The following SNX29 variants were observed in gnomAD, a reference collection of about 807,000 sequenced individuals.
SNX29 encodes the protein sorting nexin-29.
In SNX29, 78 loss-of-function variants were observed where a neutral mutation model predicts 102.1. The ratio of observed to expected loss-of-function variants is 0.76; its 90% CI spans 0.64 to 0.92. The LOEUF is 0.92. Among genes scored for constraint, SNX29 ranks in the 40% least tolerant of loss-of-function variants. The pLI is 0.00. For missense variants in SNX29, 1,280 were observed against 1,061.7 expected (o/e 1.21, Z -2.86); for synonymous variants, 580 against 414.5 (o/e 1.40, Z -4.85).
In SNX29 at chr16:12,572,168, A is replaced by G. The variant is rs1472002496; in HGVS notation, c.*3539A>G. 5.1e-6 allele frequency: 5 copies of G among 984,426 alleles called. No homozygotes were observed. Among genetic ancestry groups the G allele is most frequent in the African/African-American group, 1.7e-5 (1 of 59,332 alleles). 61.0% of individuals were successfully genotyped at this position (984,426 alleles called of 1,614,324 possible). On this transcript the variant is annotated 3_prime_UTR_variant, in exon 21 of 21. Transcript: ENST00000566228. ...CTTATTAAGATCAATTTTGATAACC[A>G]TGTAATTTCTTAGAACCATGGCAGG...
rs541089702 is a variant in SNX29 at position 12,022,331 on chromosome 16, G to C, written c.123-4989G>C. Among the ~76,000 whole-genome samples, 3 of 151,984 alleles carry C rather than the reference G, an allele frequency of 2.0e-5. No homozygotes were observed. In the East Asian group the frequency reaches 5.8e-4, roughly 29 times the overall value. On this transcript the variant is annotated intron_variant, in intron 3 of 20. Coordinates refer to ENST00000566228, the MANE Select transcript of SNX29 (RefSeq NM_032167.5). ...TTCTCCAGCCTCAGCCTCTGGAGTA[G>C]CTGGGATTACAGGAGCCTGCCACCA...
chr16:12,133,438 C>T (rs770537824), intron 13 of SNX29, among the ~76,000 whole-genome samples: 1 of 151,950 alleles, frequency 6.6e-6, no homozygotes, highest in South Asian at 2.1e-4. Flanking sequence ...TACAGGCATG[C>T]ACCACCATAG....
Position 12,572,122 on chromosome 16 carries a change from G to A in SNX29, c.*3493G>A, listed in dbSNP as rs1769481150. On this transcript the variant is annotated 3_prime_UTR_variant, in exon 21 of 21. Coordinates refer to ENST00000566228, the MANE Select transcript of SNX29 (RefSeq NM_032167.5). ...GGACTGGGTCTGATCACAGCCCTTG[G>A]CCCTGCTTCATACTTTGGAGCTTAT... The A allele has an allele frequency of 2.9e-6, 3 of 1,034,772 alleles. No individual in the cohort carries two copies. The highest frequency in any genetic ancestry group is 3.5e-6 in the Non-Finnish European group (3 of 851,860). The allele number at this position is 1,034,772 out of a possible 1,614,324, so 64.1% of individuals were successfully genotyped here.
Position 12,021,068 on chromosome 16 carries a change from A to G in SNX29, c.123-6252A>G, listed in dbSNP as rs183453547. 2.0e-5 allele frequency among the ~76,000 whole-genome samples: 3 copies of G among 152,366 alleles called. No homozygotes were observed. In the East Asian group the frequency reaches 5.8e-4, roughly 29 times the overall value. ...TAACATTGGAATTTTACAAATGACG[A>G]TAATCCAGTCCATTTTCATGATTGT... On this transcript the variant is annotated intron_variant, in intron 3 of 20. Coordinates refer to ENST00000566228, the MANE Select transcript of SNX29 (RefSeq NM_032167.5).
intron 11 of SNX29, among the ~76,000 whole-genome samples, chr16:12,082,856 G>A (rs960773891): frequency 2.7e-4 from 41 of 152,232 alleles, no homozygotes; most frequent in African/African-American, 9.6e-4. Context: ...AATTTTGAGC[G>A]AAGGGTGGTT....
intron 14 of SNX29, among the ~76,000 whole-genome samples, chr16:12,262,890 A>G (rs1227062328): frequency 2.0e-5 from 3 of 152,216 alleles, no homozygotes; most frequent in East Asian, 1.9e-4. Context: ...TCCTGTTCCT[A>G]TTTGCAGTCA....
intron 9 of SNX29, among the ~76,000 whole-genome samples, chr16:12,063,587 C>G (rs540266038): frequency 1.3e-5 from 2 of 152,084 alleles, no homozygotes; most frequent in Non-Finnish European, 2.9e-5. Flanking sequence ...CCATGTTGGC[C>G]AGACTGATCT....
rs573679560 is a variant in SNX29 at position 12,177,818 on chromosome 16, G to T, written c.1596-21783G>T. On this transcript the variant is annotated intron_variant, in intron 13 of 20. Transcript: ENST00000566228. ...TTGCCAAATGCCTGCTGTGGGCGGGGTGCTGGTCTCAACACTGGGGAGATA... is the reference window on the plus strand; with the variant it reads ...TTGCCAAATGCCTGCTGTGGGCGGGTTGCTGGTCTCAACACTGGGGAGATA... Among the ~76,000 whole-genome samples, 5 of 152,282 alleles carry T rather than the reference G, an allele frequency of 3.3e-5. No individual in the cohort carries two copies. In the East Asian group the frequency reaches 9.6e-4, roughly 29 times the overall value.
intron 1 of SNX29, among the ~76,000 whole-genome samples, chr16:11,989,578 C>T (rs1280028698): frequency 2.0e-5 from 3 of 152,202 alleles, no homozygotes; most frequent in Non-Finnish European, 4.4e-5. Context: ...AATGAGGCAG[C>T]CGTTGTGCCC....
chr16:12,398,135 A>G (rs1288115650), intron 16 of SNX29, among the ~76,000 whole-genome samples: 2 of 152,152 alleles, frequency 1.3e-5, no homozygotes, highest in African/African-American at 4.8e-5. Flanking sequence ...TGCATCTCAG[A>G]TCCTAATTAG....
chr16:12,347,723 C>T (rs2081857388), intron 15 of SNX29, among the ~76,000 whole-genome samples: 1 of 152,066 alleles, frequency 6.6e-6, no homozygotes, highest in Non-Finnish European at 1.5e-5. Flanking sequence ...TCTTTCATCC[C>T]TTTGTACCTC....
intron 18 of SNX29, among the ~76,000 whole-genome samples, chr16:12,414,748 C>T (rs573184989): frequency 4.3e-4 from 65 of 151,902 alleles, no homozygotes; most frequent in African/African-American, 1.5e-3. Context: ...TATTTAGAGA[C>T]AGACTCTGTG....
chr16:12,536,356 G>A (rs561017354), intron 20 of SNX29, among the ~76,000 whole-genome samples: 1 of 152,182 alleles, frequency 6.6e-6, no homozygotes, highest in African/African-American at 2.4e-5. Flanking sequence ...TACTGTCAGG[G>A]TTGGGGGTAA....
chr16:12,443,141 G>A (rs1000549426), intron 18 of SNX29: 2 of 411,946 alleles, frequency 4.9e-6, no homozygotes, highest in African/African-American at 2.1e-5. Context: ...ATCCTGCCGG[G>A]CCTAGGGCCT....
intron 15 of SNX29, among the ~76,000 whole-genome samples, chr16:12,351,743 G>C (rs2081997125): frequency 6.6e-6 from 1 of 151,866 alleles, no homozygotes; most frequent in Non-Finnish European, 1.5e-5. Flanking sequence ...AGCTCTGAAG[G>C]CATCATTTTC....
chr16:12,503,465 G>A (rs1217788113), intron 19 of SNX29, among the ~76,000 whole-genome samples: 1 of 152,172 alleles, frequency 6.6e-6, no homozygotes, highest in Non-Finnish European at 1.5e-5. Flanking sequence ...AGGATGGGCA[G>A]CCCAGGGAAG....
intron 14 of SNX29, among the ~76,000 whole-genome samples, chr16:12,263,772 A>AT (rs764159512): frequency 1.3e-5 from 2 of 152,092 alleles, no homozygotes; most frequent in Non-Finnish European, 2.9e-5. Context: ...ATATATATAT[A>AT]TTTTTTGCTA....
intron 3 of SNX29, among the ~76,000 whole-genome samples, chr16:12,020,428 C>T (rs992273946): frequency 6.6e-6 from 1 of 152,064 alleles, no homozygotes; most frequent in Non-Finnish European, 1.5e-5. Flanking sequence ...TTTCAAACTC[C>T]TGGCCTCAAG....
chr16:12,294,417 C>T (rs562545951), intron 15 of SNX29, among the ~76,000 whole-genome samples: 8 of 152,234 alleles, frequency 5.3e-5, no homozygotes, highest in South Asian at 2.1e-4. Context: ...TTCCTCCCTC[C>T]GATGGGCTGA....
Sources: allele counts gnomAD v4.1 joint callset (sites outside exome capture counted in the v4.1 genomes callset), GRCh38; gene constraint gnomAD v4.1.1; transcripts MANE v1.5; gene names NCBI Gene and HGNC (gene_info 2026-07-23, HGNC 2026-07-21).